Variants in RHBDD1 observed in about 807,000 individuals in gnomAD.
RHBDD1 encodes rhomboid-related protein 4.
Under a neutral mutation model 36.3 loss-of-function variants are expected in RHBDD1, and 38 were observed. The observed-to-expected ratio is 1.05, with a 90% CI of 0.81 to 1.37. RHBDD1 has a LOEUF of 1.37. Ranked by LOEUF, RHBDD1 falls within the 40% of genes most tolerant of loss-of-function variation. The pLI is 0.00. For synonymous variants in RHBDD1, 151 were observed against 136.5 expected (o/e 1.11, Z -0.74); for missense variants, 393 against 377.6 (o/e 1.04, Z -0.34).
At chr2:226,918,565 T>C (rs1949083981) in intron 8 of RHBDD1, among the ~76,000 whole-genome samples, 1 of 152,036 alleles carries the variant, frequency 6.6e-6, no homozygotes, top group South Asian at 2.1e-4. Flanking sequence ...ACATGCAAAA[T>C]TTGTCTTTCT....
intron 8 of RHBDD1, among the ~76,000 whole-genome samples, chr2:226,943,013 A>G (rs1575183595): frequency 6.6e-6 from 1 of 152,252 alleles, no homozygotes; most frequent in East Asian, 1.9e-4. Context: ...TCTCCCATCC[A>G]TTATATTGTG....
chr2:226,840,325 A>C (rs190945836), intron 3 of RHBDD1, among the ~76,000 whole-genome samples: 2 of 152,342 alleles, frequency 1.3e-5, no homozygotes, highest in African/African-American at 4.8e-5. Flanking sequence ...GTGATGGCCA[A>C]CTAACAATGT....
intron 8 of RHBDD1, among the ~76,000 whole-genome samples, chr2:226,915,807 A>T (rs1439475127): frequency 1.3e-5 from 2 of 152,216 alleles, no homozygotes. Flanking sequence ...CAGAACTGTG[A>T]TGATGTATCA....
intron 5 of RHBDD1, among the ~76,000 whole-genome samples, chr2:226,869,697 G>A (rs1177425296): frequency 6.6e-6 from 1 of 152,190 alleles, no homozygotes; most frequent in Non-Finnish European, 1.5e-5. Flanking sequence ...GAGGCATGTG[G>A]ACTTGATGCC....
chr2:226,857,234 C>T (rs1943419235), intron 3 of RHBDD1, among the ~76,000 whole-genome samples: 1 of 151,994 alleles, frequency 6.6e-6, no homozygotes, highest in Admixed American at 6.6e-5. Flanking sequence ...GAATGAAAAT[C>T]AGTATTACTT....
At chr2:226,897,863 C>G (rs1181147817) in intron 5 of RHBDD1, among the ~76,000 whole-genome samples, 1 of 152,128 alleles carries the variant, frequency 6.6e-6, no homozygotes, top group African/African-American at 2.4e-5. Flanking sequence ...CCTGCAATCT[C>G]AGTTACTCGG....
intron 8 of RHBDD1, among the ~76,000 whole-genome samples, chr2:226,944,347 A>G (rs1950839267): frequency 6.6e-6 from 1 of 152,196 alleles, no homozygotes. Flanking sequence ...GTGCCCCTAG[A>G]GGAGCAGCGG....
intron 5 of RHBDD1, among the ~76,000 whole-genome samples, chr2:226,871,561 A>G (rs1944798864): frequency 6.6e-6 from 1 of 152,202 alleles, no homozygotes; most frequent in South Asian, 2.1e-4. Context: ...CTTGTATTCT[A>G]AGACGGTCTT....
intron 8 of RHBDD1, among the ~76,000 whole-genome samples, chr2:226,915,284 C>T (rs576625050): frequency 8.6e-5 from 13 of 151,870 alleles, no homozygotes; most frequent in African/African-American, 2.7e-4. Context: ...GAGCTGTGGA[C>T]GGGCATTCTC....
intron 8 of RHBDD1, 49 bp from the exon 9 acceptor site, chr2:226,995,382 C>T (rs1350902495): frequency 1.7e-6 from 2 of 1,186,482 alleles, no homozygotes; most frequent in Admixed American, 3.6e-5. Flanking sequence ...GGTACACATG[C>T]CTTGTCACGT....
chr2:226,892,537 C>A (rs527306446), intron 5 of RHBDD1, among the ~76,000 whole-genome samples: 1 of 152,286 alleles, frequency 6.6e-6, no homozygotes, highest in Admixed American at 6.5e-5. Flanking sequence ...ACTTGTGAAT[C>A]TTTTGAAATA....
At chr2:226,811,122 A>C in the RHBDD1 span, 1 of 152,252 alleles carries the variant, frequency 6.6e-6, no homozygotes, top group Non-Finnish European at 1.5e-5. Context: ...AACAAAAGCC[A>C]TTTCTTTTCT....
upstream of RHBDD1, among the ~76,000 whole-genome samples, chr2:226,830,947 G>A (rs1358310098): frequency 6.6e-6 from 1 of 152,212 alleles, no homozygotes; most frequent in Non-Finnish European, 1.5e-5. Flanking sequence ...GGGATTACGG[G>A]TGTGAGCCAC....
At chr2:226,988,048 A>G (rs1430583920) in intron 8 of RHBDD1, among the ~76,000 whole-genome samples, 4 of 152,188 alleles carry the variant, frequency 2.6e-5, no homozygotes, top group African/African-American at 9.6e-5. Flanking sequence ...TTCTCTTAGG[A>G]TGAAAGTCAT....
chr2:226,818,127 T>A, the RHBDD1 span, among the ~76,000 whole-genome samples: 1 of 151,864 alleles, frequency 6.6e-6, no homozygotes, highest in East Asian at 1.9e-4. Flanking sequence ...GGTCCATCTA[T>A]AGTCTTTTAA....
intron 8 of RHBDD1, among the ~76,000 whole-genome samples, chr2:226,939,885 A>G (rs2149148839): frequency 6.6e-6 from 1 of 152,346 alleles, no homozygotes; most frequent in African/African-American, 2.4e-5. Context: ...GGCCACAGTA[A>G]CCAAAACAGT....
intron 3 of RHBDD1, among the ~76,000 whole-genome samples, chr2:226,852,901 T>TTTATTATTGTTGTTGTTA (rs1553543385): frequency 1.6e-5 from 2 of 125,204 alleles, no homozygotes; most frequent in African/African-American, 6.5e-5. Context: ...ACCTGGCTAA[T>TTTATTATTGTTGTTGTTA]TTATTATTAT....
chr2:226,867,531 AAC>A lies in RHBDD1; in HGVS notation c.566+214_566+215del, dbSNP rs1368540035. On this transcript the variant is annotated intron_variant, in intron 5 of 8. Coordinates refer to ENST00000392062, the MANE Select transcript of RHBDD1 (RefSeq NM_001167608.3). ...TGTATAATTTTGGGTCACTTGTCTTAACTGAGTTGCAGATTCCTCATTTTTTT... is the reference window on the plus strand; with the variant it reads ...TGTATAATTTTGGGTCACTTGTCTTATGAGTTGCAGATTCCTCATTTTTTT... The A allele has an allele frequency of 4.1e-6, 4 of 969,656 alleles. No individual in the cohort carries two copies. In the Admixed American group the frequency reaches 1.8e-4, roughly 45 times the overall value. The allele number at this position is 969,656 out of a possible 1,614,324, so 60.1% of individuals were successfully genotyped here.
chr2:226,831,968 T>C (rs1476540200), upstream of RHBDD1, among the ~76,000 whole-genome samples: 1 of 146,062 alleles, frequency 6.8e-6, no homozygotes, highest in Non-Finnish European at 1.5e-5. Context: ...TTTTTTTTTT[T>C]TTCTAAAAAA....
Sources: gnomAD v4.1 joint callset for allele counts (sites outside exome capture counted in the v4.1 genomes callset) on GRCh38, gnomAD v4.1.1 for gene constraint, MANE v1.5 for transcripts, NCBI Gene and HGNC (gene_info 2026-07-23, HGNC 2026-07-21) for gene names.